Variants in STS observed in about 807,000 individuals in gnomAD.
STS encodes steryl-sulfatase.
Under a neutral mutation model 26.8 loss-of-function variants are expected in STS, and 7 were observed. That is an observed-to-expected ratio of 0.26 (90% CI 0.15 to 0.49). The LOEUF (loss-of-function observed/expected upper bound fraction) is 0.49. Ranked by LOEUF, STS falls within the 20% of genes least tolerant of loss-of-function variation. The pLI, the probability that STS is intolerant of heterozygous loss-of-function variation, is 0.98. For missense variants in STS, 434 were observed against 465.6 expected (o/e 0.93, Z 0.63); for synonymous variants, 199 against 189.4 (o/e 1.05, Z -0.42).
intron 6 of STS, among the ~76,000 whole-genome samples, chrX:7,271,771 G>T (rs1228526465): frequency 1.5e-4 from 14 of 93,044 alleles, no homozygotes; most frequent in African/African-American, 1.6e-4. Flanking sequence ...ACATTTCCTT[G>T]TTTCATATTC....
chrX:7,316,550 T>TA (rs1163840100), intron 8 of STS, among the ~76,000 whole-genome samples: 1 of 112,218 alleles, frequency 8.9e-6, no homozygotes, highest in Non-Finnish European at 1.9e-5. Context: ...ACCCTTGACT[T>TA]AGATTCCTTA....
At chrX:7,272,744 C>T (rs758922065) in intron 6 of STS, among the ~76,000 whole-genome samples, 14 of 111,721 alleles carry the variant, frequency 1.3e-4, no homozygotes, top group Non-Finnish European at 2.6e-4. Context: ...GTGTCAGGAA[C>T]ACCATGATAT....
chrX:7,227,667 T>C (rs1050727290), intron 2 of STS, among the ~76,000 whole-genome samples: 1 of 111,695 alleles, frequency 9.0e-6, no homozygotes, highest in Non-Finnish European at 1.9e-5. Context: ...GACCTTAGTA[T>C]TTGCCATTGT....
rs148270923 is a variant in STS, at chrX:7,280,337, A to C, written c.943+4250A>C. On this transcript the variant is annotated intron_variant, in intron 7 of 10. Transcript: ENST00000674429. ...GAGGGAGGTGCAGATAAAGTGCTTGAACAGTTTGGAAGCAGGAAGGGCAGT... is the reference window on the plus strand; with the variant it reads ...GAGGGAGGTGCAGATAAAGTGCTTGCACAGTTTGGAAGCAGGAAGGGCAGT... 2.7e-4 allele frequency among the ~76,000 whole-genome samples: 30 copies of C among 111,787 alleles called. No homozygotes were observed. The East Asian group carries it at 8.2e-3, about 31-fold the overall frequency.
intron 8 of STS, among the ~76,000 whole-genome samples, chrX:7,320,111 A>G (rs1926948533): frequency 1.1e-5 from 1 of 93,456 alleles, no homozygotes; most frequent in African/African-American, 3.9e-5. Flanking sequence ...TGTATTTTAT[A>G]TAAGTATTAT....
chrX:7,313,144 A>G (rs1321448310), intron 8 of STS, among the ~76,000 whole-genome samples: 3 of 112,504 alleles, frequency 2.7e-5, no homozygotes, highest in African/African-American at 9.7e-5. Flanking sequence ...AATGGAATGG[A>G]TAAATTAACT....
chrX:7,165,182 G>A (rs768754349), intron 1 of STS, among the ~76,000 whole-genome samples: 1 of 107,834 alleles, frequency 9.3e-6, no homozygotes, highest in African/African-American at 3.4e-5. Context: ...ATTCCCTTTT[G>A]TGGGATGGAC....
chrX:7,269,818 G>A (rs960189508), intron 6 of STS, among the ~76,000 whole-genome samples: 1 of 111,743 alleles, frequency 8.9e-6, no homozygotes, highest in Non-Finnish European at 1.9e-5. Context: ...ATTACCAGCA[G>A]CAGAAGGTAG....
intron 9 of STS, among the ~76,000 whole-genome samples, chrX:7,326,077 G>C (rs1043940953): frequency 9.0e-6 from 1 of 111,413 alleles, no homozygotes; most frequent in Non-Finnish European, 1.9e-5. Context: ...GGGGAAGAGG[G>C]ATTCTAGTTT....
At chrX:7,191,825 C>A (rs1468857210) in intron 2 of STS, among the ~76,000 whole-genome samples, 1 of 111,866 alleles carries the variant, frequency 8.9e-6, no homozygotes, top group African/African-American at 3.2e-5. Context: ...AAGAGCTCCT[C>A]CCCCTGGTGG....
intron 7 of STS, among the ~76,000 whole-genome samples, chrX:7,284,559 A>G: frequency 8.9e-6 from 1 of 112,806 alleles, no homozygotes; most frequent in Middle Eastern, 4.6e-3. Context: ...TCTCTCTCTC[A>G]TCTGCTTCCG....
At chrX:7,323,649 G>A (rs1428648483) in intron 8 of STS, among the ~76,000 whole-genome samples, 1 of 111,797 alleles carries the variant, frequency 8.9e-6, no homozygotes, top group Non-Finnish European at 1.9e-5. Flanking sequence ...TTAATTTCAT[G>A]TCTGCTATTG....
intron 7 of STS, among the ~76,000 whole-genome samples, chrX:7,282,928 A>G (rs1924944692): frequency 8.9e-6 from 1 of 112,052 alleles, no homozygotes; most frequent in Admixed American, 9.5e-5. Flanking sequence ...TATTTCAGGC[A>G]GTTGGGCAAC....
intron 2 of STS, among the ~76,000 whole-genome samples, chrX:7,194,951 G>A (rs1023959908): frequency 4.5e-5 from 5 of 111,439 alleles, no homozygotes; most frequent in Admixed American, 3.8e-4. Flanking sequence ...GCAAGTGACC[G>A]TACTGAATAC....
chrX:7,332,813 C>G (rs1282494666), intron 9 of STS, among the ~76,000 whole-genome samples: 1 of 111,905 alleles, frequency 8.9e-6, no homozygotes, highest in Non-Finnish European at 1.9e-5. Context: ...GTTTCTTTTT[C>G]TTCCCCTCGT....
chrX:7,219,595 C>T, intron 2 of STS: 1 of 1,210,048 alleles, frequency 8.3e-7, no homozygotes. Flanking sequence ...GTGCAGAAAC[C>T]ATGAACAGAG....
chrX:7,289,711 T>C (rs1389747451), intron 7 of STS, among the ~76,000 whole-genome samples: 1 of 111,495 alleles, frequency 9.0e-6, no homozygotes, highest in Non-Finnish European at 1.9e-5. Context: ...TAGGCTGGAG[T>C]GCAGTGGCGT....
At chrX:7,319,968 TTA>T (rs1230585250) in intron 8 of STS, among the ~76,000 whole-genome samples, 6 of 87,583 alleles carry the variant, frequency 6.9e-5, no homozygotes, top group South Asian at 4.3e-4. Flanking sequence ...TATATATATT[TTA>T]TATATATGTA....
rs184197136 is a variant in STS at position 7,254,363 on chromosome X, C to T, written c.137+1027C>T. 5.6e-3 allele frequency among the ~76,000 whole-genome samples: 625 copies of T among 111,034 alleles called. 3 individuals are homozygous for T. The highest frequency in any genetic ancestry group is 0.019 in the African/African-American group (584 of 30,495). ...TAACATAAGACCTATTTTAAGGACC[C>T]TTTTGTTTAAAAAGGAAAGTAAGCC... On this transcript the variant is annotated intron_variant, in intron 3 of 10. Transcript: ENST00000674429.
Sources: allele counts gnomAD v4.1 joint callset (sites outside exome capture counted in the v4.1 genomes callset), GRCh38; gene constraint gnomAD v4.1.1; transcripts MANE v1.5; gene names NCBI Gene and HGNC (gene_info 2026-07-23, HGNC 2026-07-21).